Variants in ARMC9 observed in about 807,000 individuals in gnomAD.
ARMC9 encodes the protein armadillo repeat containing 9.
Under a neutral mutation model 107.0 loss-of-function variants are expected in ARMC9, and 94 were observed. The observed-to-expected ratio is 0.88, with a 90% CI of 0.74 to 1.04. The LOEUF is 1.04. Among genes scored for constraint, ARMC9 ranks in the 50% least tolerant of loss-of-function variants. ARMC9 has a pLI of 0.00. For synonymous variants in ARMC9, 380 were observed against 396.9 expected (o/e 0.96, Z 0.51); for missense variants, 942 against 1,030.1 (o/e 0.91, Z 1.17).
At chr2:231,208,327 A>T (rs904721067) in intron 3 of ARMC9, 75 bp downstream of exon 3, 7 of 1,199,672 alleles carry the variant, frequency 5.8e-6, no homozygotes, top group African/African-American at 1.5e-5. Context: ...CTGCTGTTGG[A>T]TAGTGCTAGA....
At chr2:231,209,454 A>G (rs1357024988) in intron 3 of ARMC9, among the ~76,000 whole-genome samples, 1 of 152,232 alleles carries the variant, frequency 6.6e-6, no homozygotes, top group African/African-American at 2.4e-5. Context: ...CCAGGTAAGT[A>G]ATCAGTTCAC....
intron 9 of ARMC9, among the ~76,000 whole-genome samples, chr2:231,247,671 C>G (rs939439395): frequency 1.3e-5 from 2 of 152,334 alleles, no homozygotes. Context: ...TGGCTCACGC[C>G]TGTAATCCCA....
At chr2:231,206,521 C>T (rs192478340) in intron 2 of ARMC9, among the ~76,000 whole-genome samples, 97 of 152,238 alleles carry the variant, frequency 6.4e-4, no homozygotes, top group Admixed American at 6.0e-3. Flanking sequence ...TACACGTCCA[C>T]GGTAAAAGAT....
chr2:231,205,515 C>T lies in ARMC9; in HGVS notation c.-41-683C>T, dbSNP rs977429729. Among the ~76,000 whole-genome samples, 5 of 152,164 alleles carry T rather than the reference C, an allele frequency of 3.3e-5. No homozygotes were observed. The South Asian group carries it at 6.2e-4, about 19-fold the overall frequency. The stretch of plus-strand genomic sequence containing the variant: ...AGACCTTTTCATTCCTCTGGGGTTA[C>T]GGGCAACTGCTTTGGGCTGAGCCTG... On this transcript the variant is annotated intron_variant, in intron 1 of 24. Transcript: ENST00000611582.
chr2:231,279,969 C>T (rs1488156173), intron 16 of ARMC9, among the ~76,000 whole-genome samples: 1 of 152,214 alleles, frequency 6.6e-6, no homozygotes. Context: ...CTCTGAACTA[C>T]TTCCAGGCCT....
intron 12 of ARMC9, among the ~76,000 whole-genome samples, chr2:231,266,673 C>A (rs973185459): frequency 1.6e-4 from 25 of 152,200 alleles, no homozygotes; most frequent in Admixed American, 1.6e-3. Context: ...TGTGACTACT[C>A]CAAATACCTC....
At position 231,208,979 on chromosome 2, in the gene ARMC9, A is replaced by G. The variant is rs535360865; in HGVS notation, c.177+727A>G. On this transcript the variant is annotated intron_variant, in intron 3 of 24. Transcript: ENST00000611582. Reference sequence around the variant, plus strand: ...TGCGGTGGTACGATCTCGGCTCATCACCACCTCTGCCTCCAGGATTCAAGC... The same window carrying G: ...TGCGGTGGTACGATCTCGGCTCATCGCCACCTCTGCCTCCAGGATTCAAGC... Among the ~76,000 whole-genome samples, 5 of 151,348 alleles carry G rather than the reference A, an allele frequency of 3.3e-5. No homozygotes were observed. In the South Asian group the frequency reaches 6.3e-4, roughly 19 times the overall value.
intron 3 of ARMC9, among the ~76,000 whole-genome samples, chr2:231,213,247 T>G (rs1304402798): frequency 6.6e-6 from 1 of 150,926 alleles, no homozygotes; most frequent in Non-Finnish European, 1.5e-5. Flanking sequence ...CAGTGCAGCC[T>G]CTACCTCCAA....
chr2:231,296,319 G>A, intron 19 of ARMC9, 66 bp downstream of exon 19: 1 of 1,332,716 alleles, frequency 7.5e-7, no homozygotes, highest in Non-Finnish European at 1.1e-6. Flanking sequence ...TTCCTGCCTT[G>A]ACAAGTTAGT....
intron 20 of ARMC9, among the ~76,000 whole-genome samples, chr2:231,338,746 T>A (rs1244807364): frequency 6.6e-6 from 1 of 152,092 alleles, no homozygotes; most frequent in African/African-American, 2.4e-5. Flanking sequence ...ATTAACTAGC[T>A]GCTTGGCAAA....
intron 21 of ARMC9, among the ~76,000 whole-genome samples, chr2:231,348,370 A>T (rs1052717570): frequency 6.6e-6 from 1 of 152,232 alleles, no homozygotes; most frequent in African/African-American, 2.4e-5. Flanking sequence ...GCCTCCAGAA[A>T]GAATGCACCC....
In ARMC9 at chr2:231,262,352, A is replaced by T; in HGVS notation, c.1073A>T (p.Gln358Leu). ...GGAGAGCAGAGGGAGACCGTTCTGC[A>T]AGCCTACATCAGCAATGACCTCTTG... ...HPGEQRETVL[Q>L]AYISNDLLDC... The change falls in exon 12 of 25, where the codon CAA (glutamine) becomes CTA (leucine). Residue 358 changes from glutamine (Q) to leucine (L), a missense_variant. By Grantham distance (113) the Gln-to-Leu change is moderately radical. Transcript: ENST00000611582. The T allele has an allele frequency of 6.2e-7, 1 of 1,614,200 alleles. No homozygotes were observed. Among genetic ancestry groups the T allele is most frequent in the Non-Finnish European group, 8.5e-7 (1 of 1,180,034 alleles).
At chr2:231,271,187 A>G in intron 13 of ARMC9, 115 bp downstream of exon 13, 2 of 964,796 alleles carry the variant, frequency 2.1e-6, no homozygotes, top group East Asian at 2.6e-5. Flanking sequence ...TCAGTTTGTT[A>G]CCGTTTAATT....
chr2:231,346,529 T>TA (rs1298127411), intron 21 of ARMC9, among the ~76,000 whole-genome samples: 10 of 152,030 alleles, frequency 6.6e-5, no homozygotes, highest in Admixed American at 1.3e-4. Flanking sequence ...TCAAAAAATA[T>TA]AAAAAAAGAA....
intron 4 of ARMC9, 157 bp downstream of exon 4, chr2:231,215,158 G>C (rs916353665): frequency 5.5e-6 from 4 of 724,472 alleles, no homozygotes; most frequent in Non-Finnish European, 6.4e-6. Flanking sequence ...ATTTTCTACT[G>C]TATTCCCAGC....
chr2:231,310,643 A>C (rs2125511929), intron 19 of ARMC9, among the ~76,000 whole-genome samples: 1 of 150,620 alleles, frequency 6.6e-6, no homozygotes, highest in East Asian at 2.0e-4. Context: ...AGGCAGGAGA[A>C]TCGCTTGAAC....
chr2:231,214,124 A>G (rs1489652268), intron 3 of ARMC9, among the ~76,000 whole-genome samples: 4 of 152,354 alleles, frequency 2.6e-5, no homozygotes, highest in Middle Eastern at 3.4e-3. Context: ...CTGAATCATG[A>G]TGCTGTCATT....
At chr2:231,267,232 AT>A (rs1001290364) in intron 12 of ARMC9, among the ~76,000 whole-genome samples, 9 of 149,934 alleles carry the variant, frequency 6.0e-5, no homozygotes, top group South Asian at 4.2e-4. Flanking sequence ...AGCAATATTT[AT>A]TTTTTTTTTA....
In ARMC9 at chr2:231,280,126, A is replaced by G. The variant is rs1009360486; in HGVS notation, c.1551+1668A>G. ...CTTAATAGACCAAAGGATTCATCAT[A>G]TCATTACCTGCTACCAATGCATTGG... On this transcript the variant is annotated intron_variant, in intron 16 of 24. Transcript: ENST00000611582. Among the ~76,000 whole-genome samples, 20 of 152,336 alleles carry G rather than the reference A, an allele frequency of 1.3e-4. No homozygotes were observed. The East Asian group carries it at 2.5e-3, about 19-fold the overall frequency.
Sources: gnomAD v4.1 joint callset for allele counts (sites outside exome capture counted in the v4.1 genomes callset) on GRCh38, gnomAD v4.1.1 for gene constraint, MANE v1.5 for transcripts, NCBI Gene and HGNC (gene_info 2026-07-23, HGNC 2026-07-21) for gene names.